Variants in RUFY2 observed in about 807,000 individuals in gnomAD.
RUFY2 encodes RUN and FYVE domain-containing protein 2.
RUFY2 carries 49 observed loss-of-function variants against 94.4 expected under a neutral mutation model. The ratio of observed to expected loss-of-function variants is 0.52; its 90% CI spans 0.41 to 0.66. The LOEUF is 0.66. RUFY2 is among the 30% of genes least tolerant of loss of function. The probability of loss-of-function intolerance (pLI) is 0.00; values close to 1 mark genes in which losing one functional copy is unlikely to be tolerated. For missense variants in RUFY2, 541 were observed against 692.8 expected, an observed-to-expected ratio of 0.78 and a Z score of 2.46; for synonymous variants, 255 against 235.7, an observed-to-expected ratio of 1.08 and a Z score of -0.75.
intron 8 of RUFY2, 63 bp downstream of exon 8, chr10:68,385,996 C>G: frequency 9.0e-7 from 1 of 1,108,494 alleles, no homozygotes; most frequent in Non-Finnish European, 1.3e-6. Context: ...TGCATTCATA[C>G]TTAAAATGGA....
chr10:68,344,288 AGAACTCC>A lies in RUFY2; in HGVS notation c.*1473_*1479del, dbSNP rs1428918788. 2 of 152,236 alleles carry A rather than the reference AGAACTCC, an allele frequency of 1.3e-5. No individual in the cohort carries two copies. Among genetic ancestry groups the A allele is most frequent in the Non-Finnish European group, 2.9e-5 (2 of 68,044 alleles). 9.4% of individuals were successfully genotyped at this position (152,236 alleles called of 1,614,324 possible). ...AAGAAAAGATCCTGCAGTATTAATA[AGAACTCC>A]TTTGTAGGCAGGGAGGTACCTAGGA... On this transcript the variant is annotated 3_prime_UTR_variant, in exon 18 of 18. Coordinates refer to ENST00000602465, the MANE Select transcript of RUFY2 (RefSeq NM_001330103.2).
intron 2 of RUFY2, among the ~76,000 whole-genome samples, chr10:68,404,233 C>T (rs2051094808): frequency 6.6e-6 from 1 of 152,144 alleles, no homozygotes; most frequent in African/African-American, 2.4e-5. Context: ...CACATTTCTA[C>T]AATAACTCCA....
In RUFY2 at chr10:68,383,839, C is replaced by G. The variant is rs2049278252; in HGVS notation, c.898G>C (p.Glu300Gln). The change falls in exon 10 of 18, where the codon GAA becomes CAA. Residue 300 changes from glutamate (E) to glutamine (Q), a missense_variant. Physicochemically the swap from Glu to Gln is conservative, Grantham distance 29. Coordinates refer to ENST00000602465, the MANE Select transcript of RUFY2 (RefSeq NM_001330103.2). ...TCATCTCGAAGCTGCCTTCTGGCTT[C>G]ATTGTACATTTCATCTAGCCCCTGA... ...SRQGLDEMYN[E>Q]ARRQLRDESQ... The G allele has an allele frequency of 6.2e-7, 1 of 1,613,780 alleles. No individual in the cohort carries two copies. Among genetic ancestry groups the G allele is most frequent in the African/African-American group, 1.3e-5 (1 of 74,918 alleles).
rs2281698 is a variant in RUFY2 at position 68,344,563 on chromosome 10, T to C, written c.*1205A>G. On this transcript the variant is annotated 3_prime_UTR_variant, in exon 18 of 18. Transcript: ENST00000602465. ...TAGGTCAAGTGTACTGGCCAGGTGC[T>C]GTGGCTCACGCCTGTAATCCCAGCT... 16,744 of 152,318 alleles carry C rather than the reference T, an allele frequency of 0.11. 1,125 individuals carry two copies. Among genetic ancestry groups the C allele is most frequent in the South Asian group, 0.25 (1,181 of 4,820 alleles). 9.4% of individuals were successfully genotyped at this position (152,318 alleles called of 1,614,324 possible).
At chr10:68,363,549 A>C in intron 15 of RUFY2, 41 bp downstream of exon 15, 1 of 1,298,358 alleles carries the variant, frequency 7.7e-7, no homozygotes, top group Non-Finnish European at 1.1e-6. Context: ...CTTTTATAAA[A>C]GTCAATAATG....
intron 13 of RUFY2, among the ~76,000 whole-genome samples, chr10:68,373,500 C>T (rs1589867264): frequency 6.6e-6 from 1 of 152,292 alleles, no homozygotes; most frequent in Admixed American, 6.5e-5. Context: ...AGCATGATGG[C>T]TCATGCCTAT....
intron 16 of RUFY2, among the ~76,000 whole-genome samples, chr10:68,349,846 T>A (rs951956820): frequency 2.0e-5 from 3 of 150,618 alleles, no homozygotes; most frequent in African/African-American, 7.3e-5. Flanking sequence ...CCAGAAAAAA[T>A]TTTTTAAATA....
downstream of RUFY2, chr10:68,342,338 G>A: frequency 3.5e-6 from 1 of 284,080 alleles, no homozygotes; most frequent in South Asian, 6.7e-5. Flanking sequence ...TAAGATTTGG[G>A]TTGATGTATT....
chr10:68,345,952 T>C (rs1304594059), intron 17 of RUFY2, 41 bp from the exon 18 acceptor site: 2 of 1,612,436 alleles, frequency 1.2e-6, no homozygotes, highest in East Asian at 4.5e-5. Flanking sequence ...ACACTTTAAA[T>C]AAAATTAGCA....
chr10:68,377,193 T>C (rs1422735092), intron 12 of RUFY2: 1 of 1,387,228 alleles, frequency 7.2e-7, no homozygotes, highest in Non-Finnish European at 9.3e-7. Context: ...ATGCCCAGAA[T>C]ACTATCTTCA....
intron 13 of RUFY2, among the ~76,000 whole-genome samples, chr10:68,372,235 C>T (rs189636772): frequency 1.3e-3 from 202 of 152,110 alleles, no homozygotes; most frequent in Non-Finnish European, 2.2e-3. Flanking sequence ...ATAGCAAGAT[C>T]CTGTCCCTAT....
intron 12 of RUFY2, chr10:68,379,110 CTGTT>C (rs1366302023): frequency 2.8e-5 from 8 of 284,016 alleles, no homozygotes; most frequent in African/African-American, 8.9e-5. Context: ...TAATCTCACT[CTGTT>C]TGTTCATTTT....
chr10:68,366,870 A>T (rs928094807), intron 13 of RUFY2, among the ~76,000 whole-genome samples: 67 of 136,582 alleles, frequency 4.9e-4, no homozygotes, highest in Middle Eastern at 3.7e-3. Context: ...ATATTAAATA[A>T]ATATATATAT....
chr10:68,346,189 T>C (rs1410635467), intron 16 of RUFY2, 105 bp from the exon 17 acceptor site: 1 of 807,902 alleles, frequency 1.2e-6, no homozygotes, highest in East Asian at 2.7e-5. Context: ...ATATGAAGAA[T>C]GGAAAATAAG....
chr10:68,346,275 G>A (rs2134888056), intron 16 of RUFY2, 191 bp from the exon 17 acceptor site: 3 of 540,008 alleles, frequency 5.6e-6, no homozygotes, highest in African/African-American at 1.9e-5. Context: ...TTGGGGAGGT[G>A]GGATGTGGAT....
intron 15 of RUFY2, among the ~76,000 whole-genome samples, chr10:68,358,493 TC>T (rs1414544824): frequency 6.6e-6 from 1 of 152,172 alleles, no homozygotes; most frequent in Non-Finnish European, 1.5e-5. Flanking sequence ...TAAATTCACA[TC>T]TACAAAATGT....
At chr10:68,357,512 G>C (rs1024805620) in intron 15 of RUFY2, among the ~76,000 whole-genome samples, 2 of 151,922 alleles carry the variant, frequency 1.3e-5, no homozygotes, top group Non-Finnish European at 2.9e-5. Flanking sequence ...GATTACACAC[G>C]TGAGTCACCG....
chr10:68,394,294 C>T, intron 5 of RUFY2, 34 bp downstream of exon 5: 1 of 1,613,234 alleles, frequency 6.2e-7, no homozygotes, highest in Non-Finnish European at 8.5e-7. Flanking sequence ...AAACTGAAAA[C>T]ACTCTGCATT....
At chr10:68,382,661 C>A (rs1321077845) in intron 10 of RUFY2, among the ~76,000 whole-genome samples, 2 of 149,840 alleles carry the variant, frequency 1.3e-5, no homozygotes, top group Non-Finnish European at 3.0e-5. Flanking sequence ...TTGCAGTGAG[C>A]CGAGATGGCG....
Sources: allele counts gnomAD v4.1 joint callset (sites outside exome capture counted in the v4.1 genomes callset), GRCh38; gene constraint gnomAD v4.1.1; transcripts MANE v1.5; gene names NCBI Gene and HGNC (gene_info 2026-07-23, HGNC 2026-07-21).